EEFSEC: variants seen among roughly 807,000 people sequenced by gnomAD.
The protein encoded by EEFSEC is selenocysteine-specific elongation factor.
In EEFSEC, 43 loss-of-function variants were observed where a neutral mutation model predicts 42.1. That is an observed-to-expected ratio of 1.02 (90% CI 0.80 to 1.32). EEFSEC has a LOEUF of 1.32. EEFSEC is among the 40% of genes most tolerant of loss of function. EEFSEC has a pLI of 0.00. For synonymous variants in EEFSEC, 354 were observed against 339.1 expected, an observed-to-expected ratio of 1.04 and a Z score of -0.48; for missense variants, 745 against 803.6, an observed-to-expected ratio of 0.93 and a Z score of 0.88.
intron 4 of EEFSEC, among the ~76,000 whole-genome samples, chr3:128,297,898 C>T (rs2066725547): frequency 6.6e-6 from 1 of 152,240 alleles, no homozygotes; most frequent in Admixed American, 6.5e-5. Context: ...CTGCTGACTT[C>T]TCCAAGTACT....
At chr3:128,362,007 G>A (rs1036373392) in intron 6 of EEFSEC, among the ~76,000 whole-genome samples, 31 of 152,200 alleles carry the variant, frequency 2.0e-4, no homozygotes, top group Non-Finnish European at 3.2e-4. Flanking sequence ...CTTTGCCCAC[G>A]GTCTGTCTGT....
chr3:128,279,012 G>A (rs150803615), intron 4 of EEFSEC, among the ~76,000 whole-genome samples: 2 of 152,350 alleles, frequency 1.3e-5, no homozygotes, highest in Admixed American at 1.3e-4. Flanking sequence ...AGACAGGAGG[G>A]GAGTGAGCTG....
chr3:128,199,752 G>T (rs2065623816), intron 1 of EEFSEC, among the ~76,000 whole-genome samples: 1 of 151,118 alleles, frequency 6.6e-6, no homozygotes, highest in South Asian at 2.1e-4. Flanking sequence ...TTTTTTTTTT[G>T]AGATGGGGTC....
chr3:128,375,545 T>G lies in EEFSEC; in HGVS notation c.1600+17172T>G, dbSNP rs1394567169. Among the ~76,000 whole-genome samples the G allele has an allele frequency of 2.6e-5, 4 of 152,130 alleles. No homozygotes were observed. In the East Asian group the frequency reaches 5.8e-4, roughly 22 times the overall value. ...TGTCCCTCTGGACCGCAGGCCACCCTCCAGCCCTAGCCCTGCAGCAGCCCA... is the reference window on the plus strand; with the variant it reads ...TGTCCCTCTGGACCGCAGGCCACCCGCCAGCCCTAGCCCTGCAGCAGCCCA... On this transcript the variant is annotated intron_variant, in intron 6 of 6. Transcript: ENST00000254730.
In EEFSEC at chr3:128,317,295, C is replaced by T. The variant is rs1432027448; in HGVS notation, c.787-23938C>T. Among the ~76,000 whole-genome samples the T allele has an allele frequency of 6.6e-6, 1 of 152,318 alleles. No homozygotes were observed. The highest frequency in any genetic ancestry group is 1.9e-4 in the East Asian group (1 of 5,178). On this transcript the variant is annotated intron_variant, in intron 4 of 6. Transcript: ENST00000254730. This position sits in a 1 kb window ranked among gnomAD's most constrained non-coding sequence, Gnocchi z 4.1. ...CGTGGGTTTTCTTCCTTCATACACA[C>T]GGTGTGCTCACATGCAGTGCGTCCC...
intron 6 of EEFSEC, among the ~76,000 whole-genome samples, chr3:128,377,853 T>C (rs1443342587): frequency 6.6e-6 from 1 of 152,254 alleles, no homozygotes; most frequent in Non-Finnish European, 1.5e-5. Context: ...AGGTGTCTGT[T>C]CTCTACCCCT....
chr3:128,189,894 G>T (rs527349594), intron 1 of EEFSEC, among the ~76,000 whole-genome samples: 2 of 148,256 alleles, frequency 1.3e-5, no homozygotes, highest in African/African-American at 5.0e-5. Flanking sequence ...ATGGAGTCTC[G>T]CTCTGTTGCC....
chr3:128,419,731 C>A, the EEFSEC span, among the ~76,000 whole-genome samples: 1 of 152,162 alleles, frequency 6.6e-6, no homozygotes, highest in Non-Finnish European at 1.5e-5. Context: ...TCACAGCCAC[C>A]CAGCCCTTGT....
chr3:128,168,905 C>G (rs749031146), intron 1 of EEFSEC, among the ~76,000 whole-genome samples: 4 of 152,168 alleles, frequency 2.6e-5, no homozygotes, highest in Non-Finnish European at 5.9e-5. Flanking sequence ...CGACCTTATT[C>G]CTTAAGCTCA....
At chr3:128,408,004 C>A in intron 6 of EEFSEC, 65 bp from the exon 7 acceptor site, 2 of 1,429,868 alleles carry the variant, frequency 1.4e-6, no homozygotes, top group Non-Finnish European at 1.9e-6. Flanking sequence ...AGCAGGTGCG[C>A]GGGCAGGGAG....
chr3:128,264,515 A>G (rs765600236), intron 3 of EEFSEC, 102 bp from the exon 4 acceptor site: 66 of 1,360,574 alleles, frequency 4.9e-5, no homozygotes, highest in Non-Finnish European at 6.6e-5. Context: ...TCACCTTGGC[A>G]GCCTTGATGA....
At chr3:128,220,895 G>A (rs2065855086) in intron 1 of EEFSEC, among the ~76,000 whole-genome samples, 1 of 152,204 alleles carries the variant, frequency 6.6e-6, no homozygotes, top group Non-Finnish European at 1.5e-5. Flanking sequence ...GGCACAGCTG[G>A]CAGTGCCAGG....
At chr3:128,245,039 C>A (rs1473781068) in intron 1 of EEFSEC, among the ~76,000 whole-genome samples, 2 of 152,216 alleles carry the variant, frequency 1.3e-5, no homozygotes, top group African/African-American at 4.8e-5. Flanking sequence ...TTGGCTGGGT[C>A]AAAGATTATG....
chr3:128,167,443 T>C (rs2065252169), intron 1 of EEFSEC, among the ~76,000 whole-genome samples: 1 of 152,248 alleles, frequency 6.6e-6, no homozygotes, highest in South Asian at 2.1e-4. Context: ...CATGCTCTTA[T>C]GGTGCTTTAA....
At chr3:128,170,640 A>G (rs2065286977) in intron 1 of EEFSEC, among the ~76,000 whole-genome samples, 1 of 152,212 alleles carries the variant, frequency 6.6e-6, no homozygotes, top group South Asian at 2.1e-4. Context: ...CCAACTTTTG[A>G]GGATTTGTCT....
chr3:128,280,894 C>T (rs1278975233), intron 4 of EEFSEC, among the ~76,000 whole-genome samples: 5 of 152,204 alleles, frequency 3.3e-5, no homozygotes, highest in South Asian at 2.1e-4. Flanking sequence ...CTCCCCTCCT[C>T]GGAGATGCAG....
intron 6 of EEFSEC, among the ~76,000 whole-genome samples, chr3:128,395,709 C>T (rs1169982730): frequency 6.6e-6 from 1 of 152,160 alleles, no homozygotes; most frequent in Admixed American, 6.5e-5. Flanking sequence ...ACACCCAGGC[C>T]AATCAGCAGC....
intron 2 of EEFSEC, among the ~76,000 whole-genome samples, chr3:128,247,572 A>G (rs1022589009): frequency 1.3e-5 from 2 of 152,224 alleles, no homozygotes; most frequent in African/African-American, 2.4e-5. Context: ...AGACCGACAG[A>G]TGGTTGTTGC....
intron 6 of EEFSEC, among the ~76,000 whole-genome samples, chr3:128,375,713 T>C (rs2067701386): frequency 6.6e-6 from 1 of 152,190 alleles, no homozygotes; most frequent in African/African-American, 2.4e-5. Context: ...CAGTGCCACA[T>C]CGGCTTCTCC....
Sources: allele counts gnomAD v4.1 joint callset (sites outside exome capture counted in the v4.1 genomes callset), GRCh38; gene constraint gnomAD v4.1.1; non-coding constraint Gnocchi (gnomAD v3.1); transcripts MANE v1.5; gene names NCBI Gene and HGNC (gene_info 2026-07-23, HGNC 2026-07-21).